The following CPQ variants were observed in gnomAD, a reference collection of about 807,000 sequenced individuals.
CPQ encodes Ser-Met dipeptidase.
A neutral mutation model predicts 45.7 loss-of-function variants in CPQ; 37 were observed. The ratio of observed to expected loss-of-function variants is 0.81; its 90% CI spans 0.62 to 1.07. The LOEUF is 1.07. CPQ is among the 50% of genes least tolerant of loss of function. The probability of loss-of-function intolerance (pLI) is 0.00; values close to 1 mark genes in which losing one functional copy is unlikely to be tolerated. For synonymous variants in CPQ, 186 were observed against 205.8 expected (o/e 0.90, Z 0.82); for missense variants, 537 against 572.9 (o/e 0.94, Z 0.64).
At chr8:96,911,266 G>T (rs1812658963) in intron 4 of CPQ, among the ~76,000 whole-genome samples, 1 of 152,124 alleles carries the variant, frequency 6.6e-6, no homozygotes, top group African/African-American at 2.4e-5. Flanking sequence ...AAATGCAAAT[G>T]ACTTATTTGC....
chr8:97,051,577 A>C (rs985459797), intron 6 of CPQ, among the ~76,000 whole-genome samples: 1 of 152,256 alleles, frequency 6.6e-6, no homozygotes, highest in African/African-American at 2.4e-5. Context: ...TCTAAATTTT[A>C]CATAGAGGTT....
intron 3 of CPQ, among the ~76,000 whole-genome samples, chr8:96,849,370 C>T (rs1341593978): frequency 2.0e-5 from 3 of 152,212 alleles, no homozygotes; most frequent in Non-Finnish European, 2.9e-5. Context: ...CCACCACTGT[C>T]TCCATGCTTT....
chr8:96,926,613 TCTTCTTCTTCTC>T lies in CPQ; in HGVS notation c.850-39319_850-39308del, dbSNP rs1485168093. Among the ~76,000 whole-genome samples the T allele has an allele frequency of 6.0e-4, 90 of 149,174 alleles. 1 individual carries two copies. Among genetic ancestry groups the T allele is most frequent in the African/African-American group, 2.1e-3 (85 of 39,730 alleles). On this transcript the variant is annotated intron_variant, in intron 4 of 7. Coordinates refer to ENST00000220763, the MANE Select transcript of CPQ (RefSeq NM_016134.4). ...TTCTTCTTCTTCTTCTTCTTCTTCT[TCTTCTTCTTCTC>T]CTCCTTCTCCTTCTTCTTCTTCTCC...
In CPQ at chr8:96,802,901, C is replaced by T. The variant is rs74593093; in HGVS notation, c.433+17571C>T. Reference sequence around the variant, plus strand: ...CTTACCCTTCATAAGAATTATCCTACGAAGACTTAAGCAGTACATTTTGTT... The same window carrying T: ...CTTACCCTTCATAAGAATTATCCTATGAAGACTTAAGCAGTACATTTTGTT... On this transcript the variant is annotated intron_variant, in intron 2 of 7. Transcript: ENST00000220763. Among the ~76,000 whole-genome samples the T allele has an allele frequency of 2.0e-3, 301 of 152,148 alleles. 9 individuals are homozygous for T. The East Asian group carries it at 0.047, about 24-fold the overall frequency.
At chr8:96,778,003 C>T (rs1810638960) in intron 1 of CPQ, among the ~76,000 whole-genome samples, 1 of 150,954 alleles carries the variant, frequency 6.6e-6, no homozygotes, top group Non-Finnish European at 1.5e-5. Context: ...GCTGGGATTA[C>T]AGGAGTGAGC....
chr8:96,671,756 G>A (rs1309131712), intron 1 of CPQ, among the ~76,000 whole-genome samples: 1 of 152,082 alleles, frequency 6.6e-6, no homozygotes, highest in Non-Finnish European at 1.5e-5. Flanking sequence ...TCCTTGGTTT[G>A]TATTTATGGA....
chr8:96,889,969 A>T (rs1197453290), intron 4 of CPQ, among the ~76,000 whole-genome samples: 1 of 152,158 alleles, frequency 6.6e-6, no homozygotes, highest in African/African-American at 2.4e-5. Flanking sequence ...GCATCCTTCA[A>T]TCCAATCAAG....
Position 96,704,385 on chromosome 8 carries a change from G to A in CPQ, c.-35+58983G>A, listed in dbSNP as rs1001274636. Among the ~76,000 whole-genome samples, 6 of 152,204 alleles carry A rather than the reference G, an allele frequency of 3.9e-5. No individual in the cohort carries two copies. In the East Asian group the frequency reaches 1.2e-3, roughly 29 times the overall value. On this transcript the variant is annotated intron_variant, in intron 1 of 7. Coordinates refer to ENST00000220763, the MANE Select transcript of CPQ (RefSeq NM_016134.4). ...AACAGTAGATGCTTAATAAATGTTC[G>A]TTCTTATTTAATTATAGTTATGGTA...
chr8:97,100,193 C>G (rs574331625), intron 7 of CPQ, among the ~76,000 whole-genome samples: 1 of 152,300 alleles, frequency 6.6e-6, no homozygotes, highest in Admixed American at 6.5e-5. Flanking sequence ...TGAGTAGTAT[C>G]TGGAATATGA....
intron 2 of CPQ, among the ~76,000 whole-genome samples, chr8:96,809,537 G>A (rs1396508777): frequency 6.6e-6 from 1 of 152,092 alleles, no homozygotes; most frequent in African/African-American, 2.4e-5. Context: ...TCTATCAAAG[G>A]CAAAACTTTA....
chr8:96,954,904 A>G (rs540921906), intron 4 of CPQ, among the ~76,000 whole-genome samples: 40 of 152,206 alleles, frequency 2.6e-4, no homozygotes, highest in Admixed American at 1.4e-3. Context: ...AGCTTCATCC[A>G]TGTCCCTACA....
chr8:96,876,066 CTTAG>C (rs893405725), intron 3 of CPQ, among the ~76,000 whole-genome samples: 5 of 151,724 alleles, frequency 3.3e-5, no homozygotes, highest in Admixed American at 1.3e-4. Flanking sequence ...ACATGGATTG[CTTAG>C]TTAATTTAAT....
intron 2 of CPQ, among the ~76,000 whole-genome samples, chr8:96,811,724 T>G (rs1209053944): frequency 3.3e-5 from 5 of 152,212 alleles, no homozygotes; most frequent in Non-Finnish European, 5.9e-5. Flanking sequence ...TTTGCTGACT[T>G]GTTGATCTCA....
At chr8:96,929,249 C>T (rs1332650666) in intron 4 of CPQ, among the ~76,000 whole-genome samples, 1 of 152,164 alleles carries the variant, frequency 6.6e-6, no homozygotes, top group Non-Finnish European at 1.5e-5. Flanking sequence ...GAATGTATAA[C>T]ATTCCATTTT....
intron 4 of CPQ, among the ~76,000 whole-genome samples, chr8:96,957,250 C>T (rs1813371992): frequency 6.6e-6 from 1 of 152,156 alleles, no homozygotes; most frequent in East Asian, 1.9e-4. Flanking sequence ...CAGGAGCCAA[C>T]TGCTTAAGGT....
chr8:97,099,250 C>G (rs989799722), intron 7 of CPQ, among the ~76,000 whole-genome samples: 1 of 150,268 alleles, frequency 6.7e-6, no homozygotes, highest in Non-Finnish European at 1.5e-5. Flanking sequence ...CCTGCCTCTG[C>G]CTCCTGAGTA....
At chr8:97,016,435 G>T (rs1159205739) in intron 5 of CPQ, among the ~76,000 whole-genome samples, 1 of 152,104 alleles carries the variant, frequency 6.6e-6, no homozygotes, top group Non-Finnish European at 1.5e-5. Context: ...TGAAAAGGTG[G>T]TCCCTTTTAT....
intron 5 of CPQ, among the ~76,000 whole-genome samples, chr8:97,004,420 G>A (rs753558601): frequency 6.6e-6 from 1 of 151,870 alleles, no homozygotes; most frequent in African/African-American, 2.4e-5. Context: ...ATTGGTAAGA[G>A]AGCAATGAAA....
intron 4 of CPQ, among the ~76,000 whole-genome samples, chr8:96,896,014 G>A (rs969271850): frequency 6.6e-6 from 1 of 151,918 alleles, no homozygotes; most frequent in African/African-American, 2.4e-5. Flanking sequence ...AGTTTATACT[G>A]TAAATCTCCA....
Sources: gnomAD v4.1 joint callset for allele counts (sites outside exome capture counted in the v4.1 genomes callset) on GRCh38, gnomAD v4.1.1 for gene constraint, MANE v1.5 for transcripts, NCBI Gene and HGNC (gene_info 2026-07-23, HGNC 2026-07-21) for gene names.